Variants in ZMYM4 observed in about 807,000 individuals in gnomAD.
The protein encoded by ZMYM4 is zinc finger MYM-type containing 4.
In ZMYM4, 31 loss-of-function variants were observed where a neutral mutation model predicts 183.2. That is an observed-to-expected ratio of 0.17 (90% CI 0.13 to 0.23). ZMYM4 has a LOEUF of 0.23. Among genes scored for constraint, ZMYM4 ranks in the 10% least tolerant of loss-of-function variants. ZMYM4 has a pLI of 1.00. For missense variants in ZMYM4, 1,273 were observed against 1,840.3 expected, an observed-to-expected ratio of 0.69 and a Z score of 5.64; for synonymous variants, 592 against 631.2, an observed-to-expected ratio of 0.94 and a Z score of 0.93.
chr1:35,418,370 C>T (rs1444851632), intron 28 of ZMYM4, 73 bp from the exon 29 acceptor site: 2 of 1,527,044 alleles, frequency 1.3e-6, no homozygotes, highest in Non-Finnish European at 1.8e-6. Context: ...CGAAGCAAAG[C>T]TCATTGGTGT....
At chr1:35,293,709 A>G (rs550421785) in intron 1 of ZMYM4, among the ~76,000 whole-genome samples, 17 of 152,262 alleles carry the variant, frequency 1.1e-4, no homozygotes, top group African/African-American at 3.9e-4. Context: ...CACATGAAAT[A>G]CCTAGCATAT....
At chr1:35,388,394 A>G (rs1644627684) in intron 13 of ZMYM4, among the ~76,000 whole-genome samples, 1 of 152,104 alleles carries the variant, frequency 6.6e-6, no homozygotes, top group Admixed American at 6.5e-5. Context: ...TAGTAGAGAC[A>G]GGGCTTCACC....
At chr1:35,352,645 T>C (rs1643671253) in intron 2 of ZMYM4, among the ~76,000 whole-genome samples, 3 of 152,244 alleles carry the variant, frequency 2.0e-5, no homozygotes, top group African/African-American at 7.2e-5. Flanking sequence ...ATCAGTCATC[T>C]CAGCAGCATT....
chr1:35,294,838 G>C (rs1198547497), intron 1 of ZMYM4, among the ~76,000 whole-genome samples: 2 of 152,196 alleles, frequency 1.3e-5, no homozygotes, highest in Non-Finnish European at 2.9e-5. Flanking sequence ...TGAAAACATT[G>C]TCACATTTTG....
At chr1:35,321,504 A>C (rs1642280464) in intron 1 of ZMYM4, among the ~76,000 whole-genome samples, 1 of 152,142 alleles carries the variant, frequency 6.6e-6, no homozygotes, top group Non-Finnish European at 1.5e-5. Context: ...GAAAAGATAA[A>C]GCTGTAGAGG....
intron 25 of ZMYM4, among the ~76,000 whole-genome samples, chr1:35,405,854 ATGTT>A (rs1644994092): frequency 6.6e-6 from 1 of 151,906 alleles, no homozygotes; most frequent in Admixed American, 6.6e-5. Context: ...GTAACTGACA[ATGTT>A]TGTGGGTTTC....
intron 2 of ZMYM4, among the ~76,000 whole-genome samples, chr1:35,348,274 G>A (rs1643472369): frequency 6.6e-6 from 1 of 152,124 alleles, no homozygotes; most frequent in Non-Finnish European, 1.5e-5. Context: ...TATAAAATCA[G>A]ATTGATCTAA....
At position 35,419,967 on chromosome 1, in the gene ZMYM4, G is replaced by T; in HGVS notation, c.*290G>T. On this transcript the variant is annotated 3_prime_UTR_variant, in exon 30 of 30. Transcript: ENST00000314607. ...TTTTGTTTGGGAGTAACAAATCGTGGAATATTTTTAAGGAAAACTGTTGTA... is the reference window on the plus strand; with the variant it reads ...TTTTGTTTGGGAGTAACAAATCGTGTAATATTTTTAAGGAAAACTGTTGTA... The T allele has an allele frequency of 2.6e-6, 1 of 378,520 alleles. No individual in the cohort carries two copies. 23.4% of individuals were successfully genotyped at this position (378,520 alleles called of 1,614,324 possible). A position where few individuals can be genotyped will look rare whatever the true frequency, so the allele number is the denominator to read the frequency against.
At chr1:35,270,056 A>T (rs1639518829) in intron 1 of ZMYM4, among the ~76,000 whole-genome samples, 1 of 152,244 alleles carries the variant, frequency 6.6e-6, no homozygotes, top group Non-Finnish European at 1.5e-5. Context: ...GTAATCTCGT[A>T]ATGATGCTAC....
intron 2 of ZMYM4, among the ~76,000 whole-genome samples, chr1:35,342,593 T>C (rs1325312964): frequency 6.6e-6 from 1 of 152,212 alleles, no homozygotes; most frequent in Non-Finnish European, 1.5e-5. Flanking sequence ...AATGTTGTTT[T>C]GTGAAGTGTA....
chr1:35,392,177 C>T (rs771934086), intron 15 of ZMYM4, 35 bp from the exon 16 acceptor site: 9 of 1,613,464 alleles, frequency 5.6e-6, no homozygotes, highest in African/African-American at 2.7e-5. Context: ...ATATAAATCA[C>T]GTGAGGTTTC....
chr1:35,318,055 T>G (rs200273857), intron 1 of ZMYM4, among the ~76,000 whole-genome samples: 1 of 85,064 alleles, frequency 1.2e-5, no homozygotes, highest in African/African-American at 9.4e-5. Context: ...ATTATGGCAG[T>G]TTTTTTTTTT....
At chr1:35,327,259 G>T (rs917815198) in intron 2 of ZMYM4, among the ~76,000 whole-genome samples, 4 of 152,132 alleles carry the variant, frequency 2.6e-5, no homozygotes, top group African/African-American at 9.7e-5. Flanking sequence ...TTATACATGT[G>T]TAATTTATTT....
intron 17 of ZMYM4, among the ~76,000 whole-genome samples, chr1:35,392,967 T>A (rs944788853): frequency 4.6e-5 from 7 of 152,206 alleles, no homozygotes; most frequent in Admixed American, 4.6e-4. Flanking sequence ...GACTTTTGGA[T>A]GTTTTGTGAT....
In ZMYM4 at chr1:35,415,485, T is replaced by C; in HGVS notation, c.4080T>C (p.Ile1360=). The change falls in exon 28 of 30, where the codon ATT becomes ATC. Residue 1360 remains isoleucine, a synonymous_variant. Coordinates refer to ENST00000314607, the MANE Select transcript of ZMYM4 (RefSeq NM_005095.3). The stretch of plus-strand genomic sequence containing the variant: ...GTCTAGGTTACATGTTCTCTCGCAT[T>C]GAGGAAGAGCATTTGTGGGAGTGCA... ...ILPNGYMFSR[I]EEEHLWECKQ... 1.9e-6 allele frequency: 3 copies of C among 1,614,228 alleles called. No individual in the cohort carries two copies. The highest frequency in any genetic ancestry group is 2.5e-6 in the Non-Finnish European group (3 of 1,180,024).
At chr1:35,345,156 A>G (rs1643346211) in intron 2 of ZMYM4, among the ~76,000 whole-genome samples, 1 of 152,212 alleles carries the variant, frequency 6.6e-6, no homozygotes. Flanking sequence ...TAGTTTGACT[A>G]AATTTATTGC....
intron 1 of ZMYM4, among the ~76,000 whole-genome samples, chr1:35,293,144 G>A (rs556473022): frequency 6.6e-6 from 1 of 151,714 alleles, no homozygotes; most frequent in Non-Finnish European, 1.5e-5. Context: ...GGGACTATAG[G>A]TACCTGCCAC....
chr1:35,419,350 CCTTA>C (rs778188548), intron 29 of ZMYM4, 116 bp from the exon 30 acceptor site: 57 of 1,069,750 alleles, frequency 5.3e-5, no homozygotes, highest in African/African-American at 6.4e-5. Context: ...CAGTTTTTGC[CCTTA>C]CTTTTAATTA....
intron 25 of ZMYM4, among the ~76,000 whole-genome samples, chr1:35,406,986 G>C (rs538624016): frequency 6.6e-6 from 1 of 152,236 alleles, no homozygotes; most frequent in Admixed American, 6.5e-5. Flanking sequence ...GCTCCCACCT[G>C]CCCTTCTTGC....
Sources: gnomAD v4.1 joint callset for allele counts (sites outside exome capture counted in the v4.1 genomes callset) on GRCh38, gnomAD v4.1.1 for gene constraint, MANE v1.5 for transcripts, NCBI Gene and HGNC (gene_info 2026-07-23, HGNC 2026-07-21) for gene names.